ELL: variants seen among roughly 807,000 people sequenced by gnomAD.
ELL encodes the protein RNA polymerase II elongation factor ELL.
ELL carries 18 observed loss-of-function variants against 64.0 expected under a neutral mutation model. That is an observed-to-expected ratio of 0.28 (90% CI 0.19 to 0.42). The LOEUF is 0.42. Ranked by LOEUF, ELL falls within the 10% of genes least tolerant of loss-of-function variation. ELL has a pLI of 1.00. For synonymous variants in ELL, 399 were observed against 376.2 expected, an observed-to-expected ratio of 1.06 and a Z score of -0.70; for missense variants, 797 against 870.4, an observed-to-expected ratio of 0.92 and a Z score of 1.06.
chr19:18,472,893 A>T lies in ELL; in HGVS notation c.136-11T>A. Reference sequence around the variant, plus strand: ...CAGTGAAACAGAATCCTATAAAAAAAAAAAAAAAAAAAAAAAGGTGAGGGG... The same window carrying T: ...CAGTGAAACAGAATCCTATAAAAAATAAAAAAAAAAAAAAAAGGTGAGGGG... On this transcript the variant is annotated splice_polypyrimidine_tract_variant and intron_variant, in intron 1 of 11. Coordinates refer to ENST00000262809, the MANE Select transcript of ELL (RefSeq NM_006532.4). 6.4e-7 allele frequency: 1 copy of T among 1,560,696 alleles called. No individual in the cohort carries two copies.
intron 1 of ELL, among the ~76,000 whole-genome samples, chr19:18,500,905 C>T (rs1218745964): frequency 6.6e-6 from 1 of 152,180 alleles, no homozygotes; most frequent in African/African-American, 2.4e-5. Flanking sequence ...CCAATTTGCA[C>T]ACAGATCACA....
chr19:18,471,652 G>A (rs1975067465), intron 2 of ELL, among the ~76,000 whole-genome samples: 3 of 152,192 alleles, frequency 2.0e-5, no homozygotes, highest in Non-Finnish European at 4.4e-5. Context: ...TAGATGCAGG[G>A]GAACCTGCAA....
intron 1 of ELL, among the ~76,000 whole-genome samples, chr19:18,482,794 T>TTGTTGTTGTTGCTGC (rs139501319): frequency 0.015 from 2,322 of 150,128 alleles, 54 homozygotes; most frequent in African/African-American, 0.047. Context: ...GTTGTTGTTG[T>TTGTTGTTGTTGCTGC]TGCTGCTGTT....
At chr19:18,472,367 T>C (rs1259347029) in intron 2 of ELL, 1 of 157,586 alleles carries the variant, frequency 6.3e-6, no homozygotes, top group Non-Finnish European at 1.4e-5. Flanking sequence ...TAGATTCTCA[T>C]AAGGAGCACG....
intron 6 of ELL, among the ~76,000 whole-genome samples, chr19:18,452,249 CG>C (rs1298191706): frequency 6.6e-6 from 1 of 152,152 alleles, no homozygotes; most frequent in Non-Finnish European, 1.5e-5. Context: ...GTTCAATTCC[CG>C]GGGGCTGTGC....
intron 4 of ELL, among the ~76,000 whole-genome samples, chr19:18,463,537 A>C (rs905734146): frequency 2.0e-5 from 3 of 151,486 alleles, no homozygotes; most frequent in Non-Finnish European, 4.4e-5. Context: ...GTTTCACCAT[A>C]TTGGCCAGGC....
intron 1 of ELL, among the ~76,000 whole-genome samples, chr19:18,489,002 G>A (rs905398772): frequency 6.6e-5 from 10 of 152,242 alleles, no homozygotes; most frequent in African/African-American, 7.2e-5. Flanking sequence ...ACCGACTTCC[G>A]TCATCCCACC....
In ELL at chr19:18,472,878, G is replaced by C; in HGVS notation, c.140C>G (p.Ser47Cys). 2 of 701,356 alleles carry C rather than the reference G, an allele frequency of 2.9e-6. No homozygotes were observed. Among genetic ancestry groups the C allele is most frequent in the Non-Finnish European group, 4.0e-6 (2 of 497,868 alleles). The allele number at this position is 701,356 out of a possible 1,614,324, so 43.4% of individuals were successfully genotyped here. A position where few individuals can be genotyped will look rare whatever the true frequency, so the allele number is the denominator to read the frequency against. ...AFESYRARQDSVSLRPSIRFQ... is the reference protein window; with the variant it reads ...AFESYRARQDCVSLRPSIRFQ... ...TCGGATAGATGGCCTCAGTGAAACAGAATCCTATAAAAAAAAAAAAAAAAA... is the reference window on the plus strand; with the variant it reads ...TCGGATAGATGGCCTCAGTGAAACACAATCCTATAAAAAAAAAAAAAAAAA... The change falls in exon 2 of 12, where the codon TCT (serine) becomes TGT (cysteine). Residue 47 changes from serine to cysteine, a missense_variant. Physicochemically the swap from Ser to Cys is moderately radical, Grantham distance 112. Coordinates refer to ENST00000262809, the MANE Select transcript of ELL (RefSeq NM_006532.4).
intron 1 of ELL, among the ~76,000 whole-genome samples, chr19:18,484,784 A>G (rs962143315): frequency 2.0e-5 from 3 of 152,214 alleles, no homozygotes; most frequent in Non-Finnish European, 2.9e-5. Flanking sequence ...ATCATTCACT[A>G]AAACTCACCA....
chr19:18,489,037 C>A (rs1391779874), intron 1 of ELL, among the ~76,000 whole-genome samples: 2 of 152,212 alleles, frequency 1.3e-5, no homozygotes, highest in Non-Finnish European at 2.9e-5. Flanking sequence ...AGGAGCCTTG[C>A]CTGACAGCCG....
chr19:18,446,818 C>T lies in ELL; in HGVS notation c.1466-4G>A, dbSNP rs377484901. The T allele has an allele frequency of 5.0e-6, 8 of 1,613,926 alleles. No individual in the cohort carries two copies. The highest frequency in any genetic ancestry group is 4.0e-5 in the African/African-American group (3 of 74,936). ...ACGCTGCAGGTTCCGTTTAAACCTA[C>T]GAGAGCAAACACATACCTCCTGAGT... is the stretch of plus-strand genomic sequence containing the variant. On this transcript the variant is annotated splice_region_variant and splice_polypyrimidine_tract_variant and intron_variant, in intron 8 of 11. Transcript: ENST00000262809.
intron 1 of ELL, among the ~76,000 whole-genome samples, chr19:18,491,325 C>A (rs556191117): frequency 3.1e-5 from 4 of 127,554 alleles, no homozygotes; most frequent in African/African-American, 1.1e-4. Flanking sequence ...GTTGCCCAGG[C>A]TGGTCTTGAA....
At chr19:18,504,535 G>A (rs1346623053) in intron 1 of ELL, among the ~76,000 whole-genome samples, 5 of 152,124 alleles carry the variant, frequency 3.3e-5, no homozygotes, top group African/African-American at 4.8e-5. Context: ...GCCTGGGTCC[G>A]GTCATCAGAG....
intron 6 of ELL, 22 bp from the exon 7 acceptor site, chr19:18,451,670 A>C (rs1974541763): frequency 6.8e-7 from 1 of 1,478,936 alleles, no homozygotes; most frequent in South Asian, 1.3e-5. Context: ...AGGCAGGGCT[A>C]GGTCAGAAGG....
chr19:18,444,225 GCCCATTC>G lies in ELL; in HGVS notation c.*520_*526del, dbSNP rs1974360121. ...AGCCAGAGACCAGCAGAGGCCACCT[GCCCATTC>G]CCCACGCCCTCAGAACGCAGCTGCA... On this transcript the variant is annotated 3_prime_UTR_variant, in exon 12 of 12. Transcript: ENST00000262809. 1 of 232,260 alleles carries G rather than the reference GCCCATTC, an allele frequency of 4.3e-6. No individual in the cohort carries two copies. The allele number at this position is 232,260 out of a possible 1,614,324, so 14.4% of individuals were successfully genotyped here. A position where few individuals can be genotyped will look rare whatever the true frequency, so the allele number is the denominator to read the frequency against.
chr19:18,460,471 G>A (rs1352131364), intron 5 of ELL, among the ~76,000 whole-genome samples: 1 of 152,206 alleles, frequency 6.6e-6, no homozygotes, highest in Admixed American at 6.5e-5. Context: ...TCCTGGCCAG[G>A]CCAATGCAGG....
At chr19:18,519,571 C>T (rs533439293) in intron 1 of ELL, among the ~76,000 whole-genome samples, 2 of 152,294 alleles carry the variant, frequency 1.3e-5, no homozygotes, top group East Asian at 3.9e-4. Context: ...CTTTTAGAGG[C>T]TGAGAAGGAC....
At chr19:18,485,758 G>A (rs887200183) in intron 1 of ELL, among the ~76,000 whole-genome samples, 1 of 152,082 alleles carries the variant, frequency 6.6e-6, no homozygotes, top group Admixed American at 6.5e-5. Context: ...GAGCCAAGAC[G>A]AGCGGATCAC....
intron 5 of ELL, 132 bp from the exon 6 acceptor site, chr19:18,458,461 A>C: frequency 7.1e-7 from 1 of 1,401,498 alleles, no homozygotes; most frequent in Non-Finnish European, 9.6e-7. Flanking sequence ...GAGGAGAGGA[A>C]AGAGGATGGC....
Sources: gnomAD v4.1 joint callset for allele counts (sites outside exome capture counted in the v4.1 genomes callset) on GRCh38, gnomAD v4.1.1 for gene constraint, MANE v1.5 for transcripts, NCBI Gene and HGNC (gene_info 2026-07-23, HGNC 2026-07-21) for gene names.